Variants in YEATS2 observed in about 807,000 individuals in gnomAD.
The protein encoded by YEATS2 is YEATS domain containing 2, also known as YEATS domain-containing protein 2.
In YEATS2, 77 loss-of-function variants were observed where a neutral mutation model predicts 163.2. The ratio of observed to expected loss-of-function variants is 0.47; its 90% CI spans 0.39 to 0.57. The LOEUF is 0.57. Among genes scored for constraint, YEATS2 ranks in the 20% least tolerant of loss-of-function variants. The probability of loss-of-function intolerance (pLI) is 0.00; values close to 1 mark genes in which losing one functional copy is unlikely to be tolerated. For synonymous variants in YEATS2, 631 were observed against 645.1 expected (o/e 0.98, Z 0.33); for missense variants, 1,549 against 1,729.8 (o/e 0.90, Z 1.85).
rs573336363 is a variant in YEATS2 at position 183,747,804 on chromosome 3, G to A, written c.969+88G>A. On this transcript the variant is annotated intron_variant, in intron 9 of 30. Coordinates refer to ENST00000305135, the MANE Select transcript of YEATS2 (RefSeq NM_018023.5). ...TGTTTGTTTGTTTGTTTTGAGACGGGGTCTTCGCTCTGTCACCCAGGCTGG... is the reference window on the plus strand; with the variant it reads ...TGTTTGTTTGTTTGTTTTGAGACGGAGTCTTCGCTCTGTCACCCAGGCTGG... The A allele has an allele frequency of 3.0e-4, 388 of 1,282,968 alleles. 5 individuals carry two copies. In the South Asian group the frequency reaches 4.3e-3, roughly 14 times the overall value. 79.5% of individuals were successfully genotyped at this position (1,282,968 alleles called of 1,614,324 possible).
At chr3:183,700,225 CAT>C (rs2108949309) in intron 1 of YEATS2, among the ~76,000 whole-genome samples, 1 of 152,260 alleles carries the variant, frequency 6.6e-6, no homozygotes, top group South Asian at 2.1e-4. Flanking sequence ...TCAAATGCTT[CAT>C]GTTCATTCAG....
intron 15 of YEATS2, among the ~76,000 whole-genome samples, chr3:183,770,189 C>T (rs1722310717): frequency 6.6e-6 from 1 of 151,524 alleles, no homozygotes; most frequent in African/African-American, 2.4e-5. Flanking sequence ...GAGATCAAGA[C>T]CGTCCTGGCT....
At chr3:183,809,337 G>GA (rs1726557069) in intron 30 of YEATS2, 167 bp downstream of exon 30, 1 of 644,306 alleles carries the variant, frequency 1.6e-6, no homozygotes, top group Non-Finnish European at 2.7e-6. Flanking sequence ...GTCATTTTTA[G>GA]AGAACCTCAT....
In YEATS2 at chr3:183,762,290, G is replaced by T; in HGVS notation, c.1947+11G>T. The T allele has an allele frequency of 6.4e-7, 1 of 1,557,778 alleles. No homozygotes were observed. Among genetic ancestry groups the T allele is most frequent in the Non-Finnish European group, 8.7e-7 (1 of 1,152,772 alleles). The stretch of plus-strand genomic sequence containing the variant: ...GTTCAGCCCTCCAAGGTTTGTGTTG[G>T]GTAGAGATGGGAAATTTCACATGTA... On this transcript the variant is annotated intron_variant, in intron 15 of 30. Transcript: ENST00000305135.
chr3:183,771,543 CTTTTTTTTT>C (rs1158586747), intron 15 of YEATS2, among the ~76,000 whole-genome samples: 3 of 26,674 alleles, frequency 1.1e-4, no homozygotes, highest in African/African-American at 4.5e-4. Context: ...TTATTCTTGC[CTTTTTTTTT>C]TTTTTTTTTT....
intron 5 of YEATS2, among the ~76,000 whole-genome samples, chr3:183,722,948 G>A (rs563393520): frequency 1.8e-4 from 27 of 152,290 alleles, no homozygotes; most frequent in East Asian, 3.9e-4. Flanking sequence ...CACCGCGCCC[G>A]ACTTAAACCT....
At chr3:183,719,970 GT>G (rs756948526) in intron 4 of YEATS2, among the ~76,000 whole-genome samples, 1 of 152,130 alleles carries the variant, frequency 6.6e-6, no homozygotes, top group Non-Finnish European at 1.5e-5. Flanking sequence ...TTGGATTTAT[GT>G]TTTCCTTGGA....
At chr3:183,740,626 G>C (rs935208199) in intron 8 of YEATS2, among the ~76,000 whole-genome samples, 1 of 152,216 alleles carries the variant, frequency 6.6e-6, no homozygotes, top group African/African-American at 2.4e-5. Flanking sequence ...GGGTGAGGAA[G>C]CTTCAGAGGA....
intron 27 of YEATS2, among the ~76,000 whole-genome samples, chr3:183,805,699 G>A (rs1726121313): frequency 6.6e-6 from 1 of 151,996 alleles, no homozygotes. Context: ...TGAGGAGGGA[G>A]GATTGCTTGA....
chr3:183,724,075 G>C (rs1716813008), intron 5 of YEATS2, among the ~76,000 whole-genome samples: 1 of 152,144 alleles, frequency 6.6e-6, no homozygotes, highest in East Asian at 1.9e-4. Context: ...GTTAAAAAGA[G>C]GGTAAATTCC....
At chr3:183,758,331 C>T (rs542928982) in intron 12 of YEATS2, among the ~76,000 whole-genome samples, 7 of 151,470 alleles carry the variant, frequency 4.6e-5, no homozygotes, top group Admixed American at 6.6e-5. Flanking sequence ...CACTCCACCC[C>T]GGGTGACAGA....
At chr3:183,754,442 T>A in intron 11 of YEATS2, 77 bp downstream of exon 11, 1 of 1,511,056 alleles carries the variant, frequency 6.6e-7, no homozygotes, top group East Asian at 2.3e-5. Context: ...AACAAAATAC[T>A]TGGCTTTTTT....
At chr3:183,790,776 T>G in intron 20 of YEATS2, 21 bp from the exon 21 acceptor site, 1 of 1,607,646 alleles carries the variant, frequency 6.2e-7, no homozygotes, top group Non-Finnish European at 8.5e-7. Flanking sequence ...CTGTGTTGTT[T>G]CGGACCCCAT....
At chr3:183,748,129 T>A (rs1361306866) in intron 9 of YEATS2, among the ~76,000 whole-genome samples, 1 of 151,944 alleles carries the variant, frequency 6.6e-6, no homozygotes, top group Non-Finnish European at 1.5e-5. Flanking sequence ...ATGAAGAGGT[T>A]TAATAGACTC....
intron 11 of YEATS2, among the ~76,000 whole-genome samples, chr3:183,755,264 C>T (rs1313361005): frequency 5.9e-5 from 9 of 152,054 alleles, no homozygotes; most frequent in African/African-American, 2.2e-4. Context: ...ACTGCAGGCA[C>T]GTGTCACCAC....
At position 183,754,297 on chromosome 3, in the gene YEATS2, A is replaced by G. The variant is rs1720492316; in HGVS notation, c.1322A>G (p.Gln441Arg). The change falls in exon 11 of 31, where the codon CAG becomes CGG. Residue 441 changes from glutamine to arginine, a missense_variant. Gln to Arg is a conservative substitution (Grantham distance 43). Coordinates refer to ENST00000305135, the MANE Select transcript of YEATS2 (RefSeq NM_018023.5). ...AGCTGCAAAATTGTTCCACAAAGTCAGGTTCCTAATCCTGAGTCACCTGGA... is the reference window on the plus strand; with the variant it reads ...AGCTGCAAAATTGTTCCACAAAGTCGGGTTCCTAATCCTGAGTCACCTGGA... ...ASSCKIVPQS[Q>R]VPNPESPGKS... The G allele has an allele frequency of 6.2e-7, 1 of 1,614,188 alleles. No homozygotes were observed. Among genetic ancestry groups the G allele is most frequent in the East Asian group, 2.2e-5 (1 of 44,890 alleles).
At chr3:183,801,602 C>A in intron 25 of YEATS2, 74 bp downstream of exon 25, 4 of 1,167,774 alleles carry the variant, frequency 3.4e-6, no homozygotes, top group Non-Finnish European at 4.9e-6. Flanking sequence ...CAACTGAAAT[C>A]ACTTGGGATT....
At chr3:183,753,789 T>A (rs1165750626) in intron 10 of YEATS2, among the ~76,000 whole-genome samples, 1 of 152,200 alleles carries the variant, frequency 6.6e-6, no homozygotes, top group Non-Finnish European at 1.5e-5. Flanking sequence ...TCATTAGATT[T>A]AGTGAATGCT....
chr3:183,748,587 T>C (rs1719818311), intron 9 of YEATS2, among the ~76,000 whole-genome samples: 1 of 151,652 alleles, frequency 6.6e-6, no homozygotes, highest in African/African-American at 2.4e-5. Flanking sequence ...TTTTCTCTTC[T>C]CTTTTCTTCT....
Sources: allele counts gnomAD v4.1 joint callset (sites outside exome capture counted in the v4.1 genomes callset), GRCh38; gene constraint gnomAD v4.1.1; transcripts MANE v1.5; gene names NCBI Gene and HGNC (gene_info 2026-07-23, HGNC 2026-07-21).